Variants in C17orf78 observed in about 807,000 individuals in gnomAD.
The protein encoded by C17orf78 is uncharacterized protein C17orf78.
A neutral mutation model predicts 31.8 loss-of-function variants in C17orf78; 27 were observed. The observed-to-expected ratio is 0.85, with a 90% confidence interval of 0.63 to 1.17. The LOEUF (loss-of-function observed/expected upper bound fraction) is 1.17. Among genes scored for constraint, C17orf78 ranks in the 50% most tolerant of loss-of-function variants. The pLI, the probability that C17orf78 is intolerant of heterozygous loss-of-function variation, is 0.00. For missense variants in C17orf78, 258 were observed against 315.2 expected, an observed-to-expected ratio of 0.82 and a Z score of 1.37; for synonymous variants, 106 against 115.1, an observed-to-expected ratio of 0.92 and a Z score of 0.51.
chr17:37,381,728 C>CCATTCTCCTGCTCCGCCTCTCGGGTTCAT (rs2050276803), intron 3 of C17orf78, among the ~76,000 whole-genome samples: 1 of 150,024 alleles, frequency 6.7e-6, no homozygotes. Flanking sequence ...CTCGGGTTCA[C>CCATTCTCCTGCTCCGCCTCTCGGGTTCAT]GCCATTCTCC....
intron 4 of C17orf78, among the ~76,000 whole-genome samples, chr17:37,386,576 A>G (rs1476886732): frequency 6.6e-6 from 1 of 151,448 alleles, no homozygotes; most frequent in Non-Finnish European, 1.5e-5. Flanking sequence ...GGGGCGACAG[A>G]GTGAGACTTT....
intron 6 of C17orf78, among the ~76,000 whole-genome samples, chr17:37,390,263 T>A (rs1342743438): frequency 1.5e-5 from 1 of 66,292 alleles, no homozygotes; most frequent in Non-Finnish European, 2.5e-5. Context: ...TTATATATAA[T>A]TATATATAAT....
At chr17:37,384,550 C>G (rs2050443908) in intron 3 of C17orf78, among the ~76,000 whole-genome samples, 1 of 151,008 alleles carries the variant, frequency 6.6e-6, no homozygotes, top group Non-Finnish European at 1.5e-5. Flanking sequence ...TTACTATTAC[C>G]ATCTTACAGA....
chr17:37,391,012 G>A (rs1377873309), intron 6 of C17orf78, among the ~76,000 whole-genome samples: 1 of 151,972 alleles, frequency 6.6e-6, no homozygotes, highest in African/African-American at 2.4e-5. Flanking sequence ...AGGCCGAGGT[G>A]GATGGATCAT....
At position 37,390,304 on chromosome 17, in the gene C17orf78, T is replaced by TTTTATA. The variant is rs1201500381; in HGVS notation, c.750+943_750+944insTTATAT. On this transcript the variant is annotated intron_variant, in intron 6 of 6. Coordinates refer to ENST00000615133, the MANE Select transcript of C17orf78 (RefSeq NM_173625.5). Reference sequence around the variant, plus strand: ...ATATATAATTATATATTATACATAATTATATATATATATATATATATATAT... The same window carrying TTTTATA: ...ATATATAATTATATATTATACATAATTTTATATATATATATATATATATATATATAT... 4.5e-4 allele frequency among the ~76,000 whole-genome samples: 8 copies of TTTTATA among 17,976 alleles called. 1 individual carries two copies. The highest frequency in any genetic ancestry group is 3.1e-3 in the African/African-American group (8 of 2,620). 11.8% of individuals were successfully genotyped at this position (17,976 alleles called of 152,430 possible).
At chr17:37,377,101 C>T (rs1349846293) in intron 1 of C17orf78, among the ~76,000 whole-genome samples, 3 of 152,070 alleles carry the variant, frequency 2.0e-5, no homozygotes, top group Non-Finnish European at 4.4e-5. Flanking sequence ...ATAACTAAGA[C>T]CTATGGTTCT....
intron 6 of C17orf78, among the ~76,000 whole-genome samples, chr17:37,390,494 G>T (rs1270212552): frequency 1.4e-5 from 2 of 147,838 alleles, no homozygotes; most frequent in African/African-American, 5.0e-5. Flanking sequence ...GGGCATGGTG[G>T]TGTGCACCCG....
chr17:37,379,579 T>A (rs1237837038), intron 3 of C17orf78, among the ~76,000 whole-genome samples, 197 bp downstream of exon 3: 1 of 152,128 alleles, frequency 6.6e-6, no homozygotes, highest in East Asian at 1.9e-4. Context: ...GATGAGTAGG[T>A]TGCGAAAATT....
intron 6 of C17orf78, among the ~76,000 whole-genome samples, chr17:37,390,330 A>ATATATATATATATATATCTATATATC (rs1386032855): frequency 3.1e-4 from 13 of 41,580 alleles, no homozygotes; most frequent in African/African-American, 5.1e-4. Flanking sequence ...ATATATATAT[A>ATATATATATATATATATCTATATATC]TATAAAAGGC....
At chr17:37,390,179 C>T (rs1597785630) in intron 6 of C17orf78, among the ~76,000 whole-genome samples, 13 of 43,298 alleles carry the variant, frequency 3.0e-4, no homozygotes, top group African/African-American at 3.9e-4. Context: ...TATATATACA[C>T]ACACACATTA....
In C17orf78 at chr17:37,391,672, C is replaced by G. The variant is rs1368076003; in HGVS notation, c.776C>G (p.Ser259Ter). 1 of 1,613,948 alleles carries G rather than the reference C, an allele frequency of 6.2e-7. No individual in the cohort carries two copies. Among genetic ancestry groups the G allele is most frequent in the Admixed American group, 1.7e-5 (1 of 60,022 alleles). Residue 259 changes from serine to a stop codon, truncating the protein, a stop_gained, in exon 7 of 7, where the codon TCA becomes TGA. Coordinates refer to ENST00000615133, the MANE Select transcript of C17orf78 (RefSeq NM_173625.5). LOFTEE classifies it high-confidence loss of function. ...GTTGGACAAGATGCTGCCAATTCAT[C>G]AAACCCAAAGAAAGCTGCAGAGATC... The part of the protein sequence containing the change: ...QKVGQDAANS[S>*]NPKKAAEITV...
At chr17:37,384,489 T>C (rs895352685) in intron 3 of C17orf78, among the ~76,000 whole-genome samples, 2 of 152,208 alleles carry the variant, frequency 1.3e-5, no homozygotes, top group Non-Finnish European at 2.9e-5. Context: ...CATTTTTATT[T>C]GTTTCTGATC....
At chr17:37,383,630 C>T (rs1458300996) in intron 3 of C17orf78, among the ~76,000 whole-genome samples, 1 of 152,204 alleles carries the variant, frequency 6.6e-6, no homozygotes, top group Non-Finnish European at 1.5e-5. Flanking sequence ...TCACTGCAAC[C>T]TCCGCCTCCC....
At chr17:37,387,128 T>C (rs2050574138) in intron 4 of C17orf78, 1 of 151,906 alleles carries the variant, frequency 6.6e-6, no homozygotes, top group Non-Finnish European at 1.5e-5. Context: ...CAAGAGCATA[T>C]ATTTGTTTTG....
At chr17:37,391,625 C>A in intron 6 of C17orf78, 22 bp from the exon 7 acceptor site, 3 of 1,608,464 alleles carry the variant, frequency 1.9e-6, no homozygotes, top group Non-Finnish European at 2.6e-6. Flanking sequence ...TTTTAACTTT[C>A]ATATTTCCTT....
chr17:37,381,664 G>A (rs183807784), intron 3 of C17orf78, among the ~76,000 whole-genome samples: 6 of 126,622 alleles, frequency 4.7e-5, no homozygotes, highest in South Asian at 2.5e-4. Flanking sequence ...GTCTCGCTCC[G>A]TTGCCCAGGC....
rs573514495 is a variant in C17orf78 at position 37,381,058 on chromosome 17, C to T, written c.391+1676C>T. On this transcript the variant is annotated intron_variant, in intron 3 of 6. Coordinates refer to ENST00000615133, the MANE Select transcript of C17orf78 (RefSeq NM_173625.5). The stretch of plus-strand genomic sequence containing the variant: ...ATTATCAACTTATTATATTTCCTTC[C>T]GGAGATACTCTAAGAATGTATGAAT... Among the ~76,000 whole-genome samples, 106 of 152,078 alleles carry T rather than the reference C, an allele frequency of 7.0e-4. 1 individual carries two copies. The highest frequency in any genetic ancestry group is 2.1e-3 in the African/African-American group (86 of 41,404).
chr17:37,385,335 C>T (rs989179990), intron 3 of C17orf78, among the ~76,000 whole-genome samples: 2 of 151,994 alleles, frequency 1.3e-5, no homozygotes, highest in African/African-American at 2.4e-5. Flanking sequence ...TAGCCGGGTG[C>T]GATGGCATGC....
rs557693840 is a variant in C17orf78 at position 37,392,329 on chromosome 17, C to T, written c.*605C>T. The T allele has an allele frequency of 5.3e-5, 8 of 152,376 alleles. No homozygotes were observed. Among genetic ancestry groups the T allele is most frequent in the South Asian group, 2.1e-4 (1 of 4,834 alleles). 9.4% of individuals were successfully genotyped at this position (152,376 alleles called of 1,614,324 possible). On this transcript the variant is annotated 3_prime_UTR_variant, in exon 7 of 7. Coordinates refer to ENST00000615133, the MANE Select transcript of C17orf78 (RefSeq NM_173625.5). ...TTAGTACCCAAGTGAAGTCTTCTGA[C>T]GATCCAGAATTCCTAAGGTGGCTCT... is the stretch of plus-strand genomic sequence containing the variant.
Sources: allele counts gnomAD v4.1 joint callset (sites outside exome capture counted in the v4.1 genomes callset), GRCh38; gene constraint gnomAD v4.1.1; transcripts MANE v1.5; gene names NCBI Gene and HGNC (gene_info 2026-07-23, HGNC 2026-07-21).